Variants in FMN2 observed in about 807,000 individuals in gnomAD.
The protein encoded by FMN2 is formin-2.
FMN2 carries 51 observed loss-of-function variants against 142.3 expected under a neutral mutation model. That is an observed-to-expected ratio of 0.36 (90% CI 0.29 to 0.45). FMN2 has a LOEUF of 0.45. Ranked by LOEUF, FMN2 falls within the 20% of genes least tolerant of loss-of-function variation. The probability of loss-of-function intolerance (pLI) is 1.00; values close to 1 mark genes in which losing one functional copy is unlikely to be tolerated. For missense variants in FMN2, 1,936 were observed against 2,122.8 expected, an observed-to-expected ratio of 0.91 and a Z score of 1.73; for synonymous variants, 882 against 869.8, an observed-to-expected ratio of 1.01 and a Z score of -0.25.
intron 15 of FMN2, among the ~76,000 whole-genome samples, chr1:240,412,939 G>A (rs368102641): frequency 1.3e-5 from 2 of 151,388 alleles, no homozygotes; most frequent in Non-Finnish European, 2.9e-5. Flanking sequence ...TGGCTAACAC[G>A]GTGAAACCCC....
At chr1:240,430,760 C>T (rs1436204348) in intron 15 of FMN2, among the ~76,000 whole-genome samples, 1 of 150,044 alleles carries the variant, frequency 6.7e-6, no homozygotes, top group Non-Finnish European at 1.5e-5. Flanking sequence ...TGAATTGGCT[C>T]GCCACCTTTT....
chr1:240,204,845 C>G (rs1002411746), intron 4 of FMN2, among the ~76,000 whole-genome samples: 1 of 152,144 alleles, frequency 6.6e-6, no homozygotes, highest in Non-Finnish European at 1.5e-5. Context: ...AAAAATGCCT[C>G]ATTTGTAGTA....
chr1:240,394,639 A>G (rs1455320979), intron 15 of FMN2, among the ~76,000 whole-genome samples: 1 of 152,182 alleles, frequency 6.6e-6, no homozygotes, highest in African/African-American at 2.4e-5. Context: ...TAGGATTTTC[A>G]TAGCTAGAGA....
chr1:240,302,219 A>G (rs150111750), intron 8 of FMN2, among the ~76,000 whole-genome samples: 9 of 152,106 alleles, frequency 5.9e-5, no homozygotes, highest in African/African-American at 2.2e-4. Flanking sequence ...GAGACTCCTT[A>G]TCTTTGTTAA....
At chr1:240,185,375 T>C (rs1257938208) in intron 3 of FMN2, among the ~76,000 whole-genome samples, 1 of 152,204 alleles carries the variant, frequency 6.6e-6, no homozygotes, top group African/African-American at 2.4e-5. Flanking sequence ...TTCCAGCTTA[T>C]GATTTTGAAG....
At chr1:240,437,930 C>A (rs971753165) in intron 15 of FMN2, 131 bp from the exon 16 acceptor site, 13 of 1,130,392 alleles carry the variant, frequency 1.2e-5, no homozygotes, top group Middle Eastern at 2.0e-4. Context: ...ACTGTTGGTG[C>A]TTGAAGAGCT....
At chr1:240,434,217 A>G (rs1320097929) in intron 15 of FMN2, among the ~76,000 whole-genome samples, 2 of 152,150 alleles carry the variant, frequency 1.3e-5, no homozygotes, top group Non-Finnish European at 2.9e-5. Context: ...GGTCATTTCG[A>G]GGGAGTCTCA....
chr1:240,282,388 T>C (rs1669428348), intron 7 of FMN2, among the ~76,000 whole-genome samples: 1 of 152,206 alleles, frequency 6.6e-6, no homozygotes, highest in Non-Finnish European at 1.5e-5. Flanking sequence ...TCAGTAAACA[T>C]GTTACTGTTT....
intron 7 of FMN2, among the ~76,000 whole-genome samples, chr1:240,292,691 T>C (rs1444790890): frequency 6.6e-6 from 1 of 152,198 alleles, no homozygotes; most frequent in African/African-American, 2.4e-5. Context: ...GACATTTTGA[T>C]CTAAGTCCTG....
Position 240,254,044 on chromosome 1 carries a change from G to A in FMN2, c.4066-3901G>A, listed in dbSNP as rs190920175. On this transcript the variant is annotated intron_variant, in intron 6 of 17. Coordinates refer to ENST00000319653, the MANE Select transcript of FMN2 (RefSeq NM_020066.5). Reference sequence around the variant, plus strand: ...CTTTGGTCTTAGGGTGGTGTATGCTGGCCCTGATATTAGCAGGTTCAGTCA... The same window carrying A: ...CTTTGGTCTTAGGGTGGTGTATGCTAGCCCTGATATTAGCAGGTTCAGTCA... Among the ~76,000 whole-genome samples the A allele has an allele frequency of 1.6e-4, 24 of 152,214 alleles. No individual in the cohort carries two copies. In the East Asian group the frequency reaches 4.5e-3, roughly 28 times the overall value.
chr1:240,219,650 A>ATTTTTTTTTTTTTTTTTTTTTTT (rs1558374533), intron 6 of FMN2, among the ~76,000 whole-genome samples: 2 of 151,978 alleles, frequency 1.3e-5, no homozygotes, highest in African/African-American at 4.8e-5. Context: ...AGGTTTTAAA[A>ATTTTTTTTTTTTTTTTTTTTTTT]TTTTTTGTAT....
chr1:240,281,627 C>G (rs1324767757), intron 7 of FMN2, among the ~76,000 whole-genome samples: 1 of 152,132 alleles, frequency 6.6e-6, no homozygotes, highest in Non-Finnish European at 1.5e-5. Flanking sequence ...TATTTAAAAG[C>G]ATGTCTCTCG....
chr1:240,245,001 ATTATACT>A (rs1204123563), intron 6 of FMN2, among the ~76,000 whole-genome samples: 2 of 152,182 alleles, frequency 1.3e-5, no homozygotes, highest in Non-Finnish European at 2.9e-5. Flanking sequence ...TCTAGAGGTA[ATTATACT>A]TTAGTGAAAA....
At chr1:240,418,958 A>G (rs1674673000) in intron 15 of FMN2, among the ~76,000 whole-genome samples, 1 of 152,074 alleles carries the variant, frequency 6.6e-6, no homozygotes, top group Non-Finnish European at 1.5e-5. Flanking sequence ...AATACAAAAA[A>G]TTAGCTGGAC....
intron 2 of FMN2, among the ~76,000 whole-genome samples, chr1:240,155,576 C>T (rs1663989315): frequency 6.6e-6 from 1 of 152,096 alleles, no homozygotes. Flanking sequence ...TGTGCCTGGC[C>T]TATCAAAATG....
Position 240,093,540 on chromosome 1 carries a change from CGG to C in FMN2, c.1432_1433del (p.Gly478ProfsTer6). 1.3e-6 allele frequency: 2 copies of C among 1,546,416 alleles called. No individual in the cohort carries two copies. On this transcript the variant is annotated frameshift_variant, in exon 1 of 18. Transcript: ENST00000319653. LOFTEE classifies it high-confidence loss of function. ...ACCGGGCCGACGGCGGCCTTGCGGC[CGG>C]CCTGAGCCGCTCGGCTGACTGGACG... is the stretch of plus-strand genomic sequence containing the variant. The part of the protein sequence containing the change: ...KHRADGGLAA[G>X]LSRSADWTEE...
At chr1:240,146,244 A>T (rs1156820538) in intron 2 of FMN2, among the ~76,000 whole-genome samples, 1 of 150,956 alleles carries the variant, frequency 6.6e-6, no homozygotes, top group East Asian at 2.0e-4. Context: ...AATACAAAAA[A>T]TTAGCCAGAC....
chr1:240,453,453 TTA>T (rs1676126282), intron 16 of FMN2, among the ~76,000 whole-genome samples: 1 of 152,166 alleles, frequency 6.6e-6, no homozygotes, highest in African/African-American at 2.4e-5. Flanking sequence ...AGGCTGTTAA[TTA>T]TATTAAGTGT....
At chr1:240,340,240 C>T (rs1671701220) in intron 13 of FMN2, among the ~76,000 whole-genome samples, 1 of 151,940 alleles carries the variant, frequency 6.6e-6, no homozygotes, top group Non-Finnish European at 1.5e-5. Flanking sequence ...TATATTCCTC[C>T]CCCCTCCACA....
Sources: gnomAD v4.1 joint callset for allele counts (sites outside exome capture counted in the v4.1 genomes callset) on GRCh38, gnomAD v4.1.1 for gene constraint, MANE v1.5 for transcripts, NCBI Gene and HGNC (gene_info 2026-07-23, HGNC 2026-07-21) for gene names.